The following RNF207 variants were observed in gnomAD, a reference collection of about 807,000 sequenced individuals.
RNF207 encodes the protein OTTHUMG00000001089.
RNF207 carries 72 observed loss-of-function variants against 79.0 expected under a neutral mutation model. The observed-to-expected ratio is 0.91, with a 90% CI of 0.75 to 1.11. The LOEUF (loss-of-function observed/expected upper bound fraction) is 1.11, where lower values mean the gene tolerates loss of function less well. RNF207 is among the 50% of genes least tolerant of loss of function. The pLI is 0.00. For synonymous variants in RNF207, 348 were observed against 366.2 expected (o/e 0.95, Z 0.57); for missense variants, 936 against 855.8 (o/e 1.09, Z -1.17).
intron 7 of RNF207, 71 bp from the exon 8 acceptor site, chr1:6,209,853 C>T (rs577531862): frequency 8.1e-6 from 12 of 1,490,324 alleles, no homozygotes; most frequent in Admixed American, 6.6e-5. Context: ...GGCTGGGGTC[C>T]GGGGGGTAGG....
In RNF207 at chr1:6,212,175, A is replaced by G. The variant is rs1668199851; in HGVS notation, c.1297-56A>G. ...TGGGAGCCATTCCTCCACCAAGTCC[A>G]TGGCAGTAAAAACAGCCTAGGGTGA... is the stretch of plus-strand genomic sequence containing the variant. On this transcript the variant is annotated intron_variant, in intron 13 of 17. Coordinates refer to ENST00000377939, the MANE Select transcript of RNF207 (RefSeq NM_207396.3). 3.8e-6 allele frequency: 6 copies of G among 1,567,710 alleles called. No individual in the cohort carries two copies. The South Asian group carries it at 4.7e-5, about 12-fold the overall frequency.
intron 16 of RNF207, among the ~76,000 whole-genome samples, chr1:6,214,634 T>C (rs1275393028): frequency 2.1e-4 from 28 of 132,988 alleles, no homozygotes; most frequent in East Asian, 1.5e-3. Context: ...TTCTTTCTTT[T>C]TTTTTTTTTT....
rs202193942 is a variant in RNF207 at position 6,210,920 on chromosome 1, G to A, written c.993G>A (p.Arg331=). 103 of 1,606,786 alleles carry A rather than the reference G, an allele frequency of 6.4e-5. No individual in the cohort carries two copies. Among genetic ancestry groups the A allele is most frequent in the Non-Finnish European group, 8.4e-5 (99 of 1,177,500 alleles). ...QGIVTRPHHL[R]PIQSSKIASD... Reference sequence around the variant, plus strand: ...TCGTCACGCGGCCGCACCACCTAAGGCCTATTCAGAGCAGCAAGGTGTGCA... The same window carrying A: ...TCGTCACGCGGCCGCACCACCTAAGACCTATTCAGAGCAGCAAGGTGTGCA... The change falls in exon 11 of 18, where the codon AGG becomes AGA. Residue 331 remains arginine, a synonymous_variant. Transcript: ENST00000377939.
In RNF207 at chr1:6,220,983, T is replaced by C; in HGVS notation, c.*1576T>C. 1 of 152,252 alleles carries C rather than the reference T, an allele frequency of 6.6e-6. No individual in the cohort carries two copies. Among genetic ancestry groups the C allele is most frequent in the East Asian group, 1.9e-4 (1 of 5,200 alleles). The allele number at this position is 152,252 out of a possible 1,614,324, so 9.4% of individuals were successfully genotyped here. On this transcript the variant is annotated 3_prime_UTR_variant, in exon 18 of 18. Coordinates refer to ENST00000377939, the MANE Select transcript of RNF207 (RefSeq NM_207396.3). ...CGTCCACTGTCCCTGCACCTGCTAC[T>C]TCAGGGGCACTGAGGCTCCTGTTCC...
chr1:6,212,293 C>T lies in RNF207; in HGVS notation c.1359C>T (p.Thr453=), dbSNP rs1469306079. Residue 453 remains threonine, a synonymous_variant, in exon 14 of 18, where the codon ACC becomes ACT. Transcript: ENST00000377939. ...DQVQELHRDL[T]KHHSLIKAEI... is the part of the protein sequence containing the mutation. ...TACAGGAGCTGCACCGAGACCTCACCAAGCACCACTCGCTCATCAAGGCGG... is the reference window on the plus strand; with the variant it reads ...TACAGGAGCTGCACCGAGACCTCACTAAGCACCACTCGCTCATCAAGGCGG... 1.2e-6 allele frequency: 2 copies of T among 1,613,856 alleles called. No individual in the cohort carries two copies. The highest frequency in any genetic ancestry group is 1.7e-6 in the Non-Finnish European group (2 of 1,179,978).
At chr1:6,213,283 G>C (rs1668247961) in intron 16 of RNF207, 100 bp downstream of exon 16, 1 of 685,832 alleles carries the variant, frequency 1.5e-6, no homozygotes, top group South Asian at 1.8e-5. Context: ...CACTTCGGGA[G>C]GCTGAGGTGG....
chr1:6,208,600 C>A, intron 3 of RNF207: 1 of 452,940 alleles, frequency 2.2e-6, no homozygotes, highest in Non-Finnish European at 3.9e-6. Context: ...AGCCACCGCG[C>A]CCGGCCTCGG....
chr1:6,210,073 C>G, intron 8 of RNF207, 103 bp downstream of exon 8: 5 of 1,345,096 alleles, frequency 3.7e-6, no homozygotes, highest in Non-Finnish European at 5.2e-6. Context: ...GCAAGACATC[C>G]GAATGTCCTC....
In RNF207 at chr1:6,209,957, C is replaced by A; in HGVS notation, c.787C>A (p.Gln263Lys). The A allele has an allele frequency of 6.3e-7, 1 of 1,591,960 alleles. No homozygotes were observed. The highest frequency in any genetic ancestry group is 1.1e-5 in the South Asian group (1 of 88,342). ...RLAERKALLL[Q>K]AVQSQYEEKD... The stretch of plus-strand genomic sequence containing the variant: ...GGCAGAGAGGAAAGCGCTGCTGCTG[C>A]AGGCTGTGCAGAGGTGAGTTGGGGG... Residue 263 changes from glutamine (Q) to lysine (K), a missense_variant, in exon 8 of 18, where the codon CAG (glutamine) becomes AAG (lysine). Physicochemically the swap from Gln to Lys is moderately conservative, Grantham distance 53. Coordinates refer to ENST00000377939, the MANE Select transcript of RNF207 (RefSeq NM_207396.3).
rs2294711 is a variant in RNF207 at position 6,212,753 on chromosome 1, C to G, written c.1534+20C>G. On this transcript the variant is annotated intron_variant, in intron 15 of 17. Transcript: ENST00000377939. ...ATGAAGGTTCCAGACAGTTGGCTGCCGAGTGAACCCTCTGTCCCTGAGCTA... is the reference window on the plus strand; with the variant it reads ...ATGAAGGTTCCAGACAGTTGGCTGCGGAGTGAACCCTCTGTCCCTGAGCTA... 8 of 1,603,542 alleles carry G rather than the reference C, an allele frequency of 5.0e-6. No individual in the cohort carries two copies. Among genetic ancestry groups the G allele is most frequent in the South Asian group, 4.4e-5 (4 of 90,842 alleles).
chr1:6,210,650 C>A (rs1668123671), intron 10 of RNF207: 1 of 632,288 alleles, frequency 1.6e-6, no homozygotes, highest in South Asian at 1.8e-5. Flanking sequence ...GCCTACAGTC[C>A]CCCGTGGGGC....
intron 16 of RNF207, 117 bp downstream of exon 16, chr1:6,213,300 A>G: frequency 1.7e-6 from 1 of 604,338 alleles, no homozygotes; most frequent in Non-Finnish European, 3.0e-6. Context: ...GTGGGCGGAT[A>G]ACCTGAGGTC....
chr1:6,212,107 C>A (rs780168202), intron 13 of RNF207, 54 bp downstream of exon 13: 4 of 1,550,682 alleles, frequency 2.6e-6, no homozygotes, highest in Non-Finnish European at 3.5e-6. Context: ...CACTCCTCAC[C>A]AAGGTACGCT....
At position 6,220,071 on chromosome 1, in the gene RNF207, T is replaced by G. The variant is rs886892021; in HGVS notation, c.*664T>G. On this transcript the variant is annotated 3_prime_UTR_variant, in exon 18 of 18. Transcript: ENST00000377939. The stretch of plus-strand genomic sequence containing the variant: ...CCTCGGCCTCCCAAAATGCTGGGAT[T>G]ACAGGGGTAAGCCACTGTGCCCGGC... 1 of 152,248 alleles carries G rather than the reference T, an allele frequency of 6.6e-6. No individual in the cohort carries two copies. Among genetic ancestry groups the G allele is most frequent in the South Asian group, 2.1e-4 (1 of 4,838 alleles). 9.4% of individuals were successfully genotyped at this position (152,248 alleles called of 1,614,324 possible). A position where few individuals can be genotyped will look rare whatever the true frequency, so the allele number is the denominator to read the frequency against.
chr1:6,209,499 A>G lies in RNF207; in HGVS notation c.713A>G (p.Glu238Gly). 1 of 1,477,420 alleles carries G rather than the reference A, an allele frequency of 6.8e-7. No homozygotes were observed. The highest frequency in any genetic ancestry group is 2.5e-5 in the East Asian group (1 of 39,912). 91.5% of individuals were successfully genotyped at this position (1,477,420 alleles called of 1,614,324 possible). A position where few individuals can be genotyped will look rare whatever the true frequency, so the allele number is the denominator to read the frequency against. The change falls in exon 7 of 18, where the codon GAG becomes GGG. Residue 238 changes from glutamate (E) to glycine (G), a missense_variant. By Grantham distance (98) the Glu-to-Gly change is moderately conservative (BLOSUM62 -2). Transcript: ENST00000377939. ...MVEEVRHSAA[E>G]EEDAIHALFG... is the part of the protein sequence containing the mutation. ...GAGGAGGTGCGGCACAGCGCCGCCG[A>G]GGAGGAGGACGCTATCCACGCCCTC... is the stretch of plus-strand genomic sequence containing the variant.
chr1:6,215,844 T>C (rs1005799475), intron 16 of RNF207, among the ~76,000 whole-genome samples: 1 of 152,214 alleles, frequency 6.6e-6, no homozygotes, highest in Non-Finnish European at 1.5e-5. Flanking sequence ...TGTAGGTTTC[T>C]ATCTTCCAGG....
chr1:6,209,858 G>A, intron 7 of RNF207, 66 bp from the exon 8 acceptor site: 1 of 1,510,000 alleles, frequency 6.6e-7, no homozygotes, highest in Non-Finnish European at 8.9e-7. Flanking sequence ...GGGTCCGGGG[G>A]GTAGGCATGG....
chr1:6,212,590 G>A, intron 14 of RNF207, 92 bp from the exon 15 acceptor site: 8 of 1,306,138 alleles, frequency 6.1e-6, no homozygotes, highest in South Asian at 2.4e-5. Flanking sequence ...TGGCTGGGGG[G>A]TGCTTTGTAG....
rs1003925852 is a variant in RNF207 at position 6,220,079 on chromosome 1, T to C, written c.*672T>C. On this transcript the variant is annotated 3_prime_UTR_variant, in exon 18 of 18. Coordinates refer to ENST00000377939, the MANE Select transcript of RNF207 (RefSeq NM_207396.3). ...TCCCAAAATGCTGGGATTACAGGGG[T>C]AAGCCACTGTGCCCGGCCGGTTATT... 10 of 152,212 alleles carry C rather than the reference T, an allele frequency of 6.6e-5. No individual in the cohort carries two copies. Among genetic ancestry groups the C allele is most frequent in the African/African-American group, 2.4e-4 (10 of 41,436 alleles). 9.4% of individuals were successfully genotyped at this position (152,212 alleles called of 1,614,324 possible).
Sources: gnomAD v4.1 joint callset for allele counts (sites outside exome capture counted in the v4.1 genomes callset) on GRCh38, gnomAD v4.1.1 for gene constraint, MANE v1.5 for transcripts, NCBI Gene and HGNC (gene_info 2026-07-23, HGNC 2026-07-21) for gene names.